The following RPS6KA2 variants were observed in gnomAD, a reference collection of about 807,000 sequenced individuals.
The protein encoded by RPS6KA2 is ribosomal protein S6 kinase alpha-2.
In RPS6KA2, 42 loss-of-function variants were observed where a neutral mutation model predicts 91.8. That is an observed-to-expected ratio of 0.46 (90% CI 0.36 to 0.59). The LOEUF is 0.59. Among genes scored for constraint, RPS6KA2 ranks in the 20% least tolerant of loss-of-function variants. The pLI, the probability that RPS6KA2 is intolerant of heterozygous loss-of-function variation, is 0.00. For missense variants in RPS6KA2, 798 were observed against 978.5 expected (o/e 0.82, Z 2.46); for synonymous variants, 414 against 393.6 (o/e 1.05, Z -0.61).
At chr6:166,796,328 C>T (rs1234013060) in intron 2 of RPS6KA2, among the ~76,000 whole-genome samples, 1 of 152,206 alleles carries the variant, frequency 6.6e-6, no homozygotes, top group Admixed American at 6.5e-5. Context: ...CGATGGCTCA[C>T]ACCTGTAATC....
intron 14 of RPS6KA2, among the ~76,000 whole-genome samples, chr6:166,441,338 C>T (rs1313140690): frequency 1.3e-5 from 2 of 152,206 alleles, no homozygotes; most frequent in Admixed American, 6.5e-5. Context: ...TCACATAGCT[C>T]AACTCTCAAC....
intron 2 of RPS6KA2, among the ~76,000 whole-genome samples, chr6:166,793,471 A>C (rs1317836722): frequency 8.7e-5 from 13 of 150,272 alleles, no homozygotes; most frequent in Non-Finnish European, 1.6e-4. Flanking sequence ...TCAAGCTACC[A>C]ATGACTTTCT....
At chr6:166,449,446 A>G (rs1779781969) in intron 13 of RPS6KA2, among the ~76,000 whole-genome samples, 1 of 152,212 alleles carries the variant, frequency 6.6e-6, no homozygotes, top group Non-Finnish European at 1.5e-5. Context: ...TCATTCTTAA[A>G]TAAGTTTAAT....
chr6:166,835,815 C>G (rs1780303060), intron 2 of RPS6KA2, among the ~76,000 whole-genome samples: 1 of 152,216 alleles, frequency 6.6e-6, no homozygotes, highest in Admixed American at 6.5e-5. Flanking sequence ...CATCTGAAGG[C>G]AAAAGCCTTC....
intron 2 of RPS6KA2, among the ~76,000 whole-genome samples, chr6:166,819,553 A>C (rs1011425804): frequency 1.3e-5 from 2 of 152,218 alleles, no homozygotes; most frequent in African/African-American, 2.4e-5. Flanking sequence ...GTGGACTCAC[A>C]CAGTTCAAAT....
intron 2 of RPS6KA2, among the ~76,000 whole-genome samples, chr6:166,712,688 T>G (rs1789898620): frequency 6.6e-6 from 1 of 152,180 alleles, no homozygotes; most frequent in South Asian, 2.1e-4. Flanking sequence ...TCTCTTGATG[T>G]GTGATGTCCC....
chr6:166,416,337 C>A (rs2128437811), intron 19 of RPS6KA2, among the ~76,000 whole-genome samples: 1 of 148,156 alleles, frequency 6.7e-6, no homozygotes, highest in South Asian at 2.2e-4. Flanking sequence ...ATCATCTCTG[C>A]CATTACCTTC....
intron 11 of RPS6KA2, among the ~76,000 whole-genome samples, chr6:166,465,919 G>C (rs1780504011): frequency 1.3e-5 from 2 of 152,210 alleles, no homozygotes; most frequent in South Asian, 4.1e-4. Flanking sequence ...GCATTTCTGA[G>C]CTCTTCTGCC....
chr6:166,761,206 G>A (rs1015906891), intron 2 of RPS6KA2, among the ~76,000 whole-genome samples: 3 of 152,056 alleles, frequency 2.0e-5, no homozygotes, highest in Non-Finnish European at 2.9e-5. Flanking sequence ...CACCGCACCC[G>A]GCTAAATTTT....
intron 2 of RPS6KA2, among the ~76,000 whole-genome samples, chr6:166,654,680 T>A (rs1040583300): frequency 1.3e-5 from 2 of 152,248 alleles, no homozygotes; most frequent in African/African-American, 4.8e-5. Flanking sequence ...CATTTACATT[T>A]ATGAACAAAG....
intron 10 of RPS6KA2, among the ~76,000 whole-genome samples, chr6:166,476,139 G>A (rs988792773): frequency 6.6e-6 from 1 of 152,160 alleles, no homozygotes; most frequent in Non-Finnish European, 1.5e-5. Context: ...AGACCCACAC[G>A]GAGGAGAAGG....
At chr6:166,547,957 A>C (rs143317529) in intron 1 of RPS6KA2, among the ~76,000 whole-genome samples, 1 of 152,262 alleles carries the variant, frequency 6.6e-6, no homozygotes, top group African/African-American at 2.4e-5. Flanking sequence ...CATCAAAAAC[A>C]TTTACACATA....
At chr6:166,516,562 T>A (rs996086803) in intron 3 of RPS6KA2, among the ~76,000 whole-genome samples, 3 of 152,214 alleles carry the variant, frequency 2.0e-5, no homozygotes, top group African/African-American at 7.2e-5. Context: ...CAAGGAAAAC[T>A]TCTCTGTCAC....
chr6:166,512,819 A>C (rs1025931231), intron 3 of RPS6KA2, among the ~76,000 whole-genome samples: 3 of 152,284 alleles, frequency 2.0e-5, no homozygotes, highest in Non-Finnish European at 4.4e-5. Flanking sequence ...GCCCGCCCAC[A>C]CTGTGCCGCT....
intron 2 of RPS6KA2, among the ~76,000 whole-genome samples, chr6:166,796,204 T>C (rs1779218291): frequency 1.3e-5 from 2 of 151,998 alleles, no homozygotes; most frequent in South Asian, 2.1e-4. Context: ...TCTGAGGGAG[T>C]TGTAGAGCCC....
intron 1 of RPS6KA2, among the ~76,000 whole-genome samples, chr6:166,564,937 C>T (rs1053718031): frequency 2.0e-5 from 3 of 152,136 alleles, no homozygotes; most frequent in Admixed American, 6.5e-5. Flanking sequence ...ATGTCTGAGC[C>T]GTCATCTGTG....
intron 1 of RPS6KA2, among the ~76,000 whole-genome samples, chr6:166,623,067 G>C (rs574697872): frequency 1.2e-4 from 18 of 152,320 alleles, no homozygotes; most frequent in Admixed American, 9.1e-4. Flanking sequence ...GTAGAGTCTC[G>C]CATTTTGTCT....
chr6:166,743,612 C>T (rs193014257), intron 2 of RPS6KA2, among the ~76,000 whole-genome samples: 1 of 152,368 alleles, frequency 6.6e-6, no homozygotes, highest in African/African-American at 2.4e-5. Flanking sequence ...CTACCGCCGT[C>T]TCTTGTAACC....
At chr6:166,773,386 GTTTTT>G (rs57517262) in intron 2 of RPS6KA2, among the ~76,000 whole-genome samples, 4 of 151,032 alleles carry the variant, frequency 2.6e-5, no homozygotes, top group African/African-American at 7.3e-5. Context: ...CTTTCTTTTC[GTTTTT>G]TTTTGTTTTG....
Sources: allele counts gnomAD v4.1 joint callset (sites outside exome capture counted in the v4.1 genomes callset), GRCh38; gene constraint gnomAD v4.1.1; transcripts MANE v1.5; gene names NCBI Gene and HGNC (gene_info 2026-07-23, HGNC 2026-07-21).